The following DMD variants were observed in gnomAD, a reference collection of about 807,000 sequenced individuals.
DMD encodes dystrophin.
DMD carries 63 observed loss-of-function variants against 330.1 expected under a neutral mutation model. The ratio of observed to expected loss-of-function variants is 0.19; its 90% CI spans 0.16 to 0.24. The LOEUF (loss-of-function observed/expected upper bound fraction) is 0.24, where lower values mean the gene tolerates loss of function less well. Ranked by LOEUF, DMD falls within the 10% of genes least tolerant of loss-of-function variation. The pLI is 1.00. For synonymous variants in DMD, 1,223 were observed against 959.8 expected, an observed-to-expected ratio of 1.27 and a Z score of -5.07; for missense variants, 3,344 against 2,684.1, an observed-to-expected ratio of 1.25 and a Z score of -5.43.
rs191329892 is a variant in DMD at position 32,416,423 on chromosome X, T to C, written c.4072-4510A>G. ...TGTATTCATCATTGTGATGTAGACA[T>C]GTAAAACATTTCAATTTCCAGCAGT... On this transcript the variant is annotated intron_variant, in intron 29 of 78. Coordinates refer to ENST00000357033, the MANE Select transcript of DMD (RefSeq NM_004006.3). Among the ~76,000 whole-genome samples, 3 of 112,137 alleles carry C rather than the reference T, an allele frequency of 2.7e-5. No individual in the cohort carries two copies. In the East Asian group the frequency reaches 8.4e-4, roughly 32 times the overall value.
At chrX:32,889,722 GCTC>G (rs2085008040) in intron 2 of DMD, among the ~76,000 whole-genome samples, 1 of 110,364 alleles carries the variant, frequency 9.1e-6, no homozygotes. Flanking sequence ...GCAAAACATC[GCTC>G]CTAACTCCAC....
intron 41 of DMD, among the ~76,000 whole-genome samples, chrX:32,318,941 C>A (rs1461710845): frequency 9.0e-6 from 1 of 110,786 alleles, no homozygotes; most frequent in African/African-American, 3.3e-5. Context: ...CAGACCTGCT[C>A]ATTGACCTGC....
intron 74 of DMD, among the ~76,000 whole-genome samples, chrX:31,150,548 A>T (rs1258184893): frequency 8.9e-6 from 1 of 112,353 alleles, no homozygotes; most frequent in Admixed American, 9.4e-5. Context: ...TCTGTTGTTC[A>T]CAGATGATAT....
chrX:31,284,577 T>TTCTTCTTCCTCCTC (rs1491417490), intron 62 of DMD, among the ~76,000 whole-genome samples: 5 of 93,296 alleles, frequency 5.4e-5, no homozygotes, highest in African/African-American at 2.1e-4. Context: ...TTCTTCTTCT[T>TTCTTCTTCCTCCTC]CTTCTTCTTC....
chrX:32,667,611 T>C (rs964450697), intron 9 of DMD, among the ~76,000 whole-genome samples: 5 of 111,590 alleles, frequency 4.5e-5, no homozygotes, highest in African/African-American at 1.3e-4. Context: ...TATTGTAGTT[T>C]ACTGTTACTG....
intron 52 of DMD, among the ~76,000 whole-genome samples, chrX:31,722,771 C>T (rs1290215143): frequency 1.8e-5 from 2 of 110,634 alleles, no homozygotes; most frequent in Non-Finnish European, 3.8e-5. Flanking sequence ...TTAGGCTGGG[C>T]GCGGTGGCTC....
intron 59 of DMD, among the ~76,000 whole-genome samples, chrX:31,473,711 C>CAAAAAAAAAAAAAAAAAAA (rs55752684): frequency 4.7e-4 from 19 of 40,131 alleles, no homozygotes; most frequent in East Asian, 1.8e-3. Flanking sequence ...GACTCTGTCT[C>CAAAAAAAAAAAAAAAAAAA]AAAAAAAAAA....
intron 48 of DMD, among the ~76,000 whole-genome samples, chrX:31,865,967 T>A (rs946581486): frequency 1.8e-5 from 2 of 111,299 alleles, no homozygotes; most frequent in Non-Finnish European, 3.8e-5. Context: ...AGACTACTGC[T>A]GATTAGATGC....
In DMD at chrX:33,311,360, C is replaced by T. The variant is rs1457669681; in HGVS notation, c.7+27899G>A. Among the ~76,000 whole-genome samples the T allele has an allele frequency of 1.4e-3, 159 of 109,934 alleles. 1 individual carries two copies. In the Admixed American group the frequency reaches 0.016, roughly 11 times the overall value. ...ACACTTATCTATAATATATATACACCTGTCTGTTCTTACCACAGATATATT... is the reference window on the plus strand; with the variant it reads ...ACACTTATCTATAATATATATACACTTGTCTGTTCTTACCACAGATATATT... On this transcript the variant is annotated intron_variant, in intron 1 of 17. Transcript: ENST00000288447.
rs765354288 is a variant in DMD at position 31,957,658 on chromosome X, A to G, written c.6614+10681T>C. 6.2e-5 allele frequency among the ~76,000 whole-genome samples: 7 copies of G among 112,356 alleles called. No homozygotes were observed. The East Asian group carries it at 1.9e-3, about 31-fold the overall frequency. On this transcript the variant is annotated intron_variant, in intron 45 of 78. Transcript: ENST00000357033. ...ATTTATCATAGTAGAGAGAGATAAA[A>G]TAAAATATTTTAATTCAAATTAACC...
At chrX:31,600,229 C>G (rs771343238) in intron 55 of DMD, among the ~76,000 whole-genome samples, 59 of 112,047 alleles carry the variant, frequency 5.3e-4, no homozygotes, top group Admixed American at 1.1e-3. Flanking sequence ...CATCGCACCC[C>G]AAGTGTATTT....
At chrX:32,686,559 C>CAAAAAAAAAAAAAAAAAAAAAAAAAGA (rs750534167) in intron 9 of DMD, among the ~76,000 whole-genome samples, 1 of 28,585 alleles carries the variant, frequency 3.5e-5, no homozygotes, top group African/African-American at 1.3e-4. Flanking sequence ...AACTCCATCT[C>CAAAAAAAAAAAAAAAAAAAAAAAAAGA]AAAAAAAAAA....
intron 27 of DMD, among the ~76,000 whole-genome samples, chrX:32,443,496 T>C (rs1047789136): frequency 1.8e-5 from 2 of 111,181 alleles, no homozygotes; most frequent in Admixed American, 9.6e-5. Flanking sequence ...AAAATATAAA[T>C]ATCTTCTTAA....
Position 31,123,410 on chromosome X carries a change from A to G in DMD, c.11047-1480T>C, listed in dbSNP as rs140053580. Among the ~76,000 whole-genome samples the G allele has an allele frequency of 9.9e-3, 1,115 of 112,452 alleles. 9 individuals carry two copies. The highest frequency in any genetic ancestry group is 0.034 in the African/African-American group (1,061 of 31,006). On this transcript the variant is annotated intron_variant, in intron 78 of 78. Transcript: ENST00000357033. ...TAACAAAGCATATGCAACTATTCAT[A>G]AAGTGGGCCAATAGTTTGGCAGCCC... is the stretch of plus-strand genomic sequence containing the variant.
intron 9 of DMD, among the ~76,000 whole-genome samples, chrX:32,688,022 A>G (rs1206502439): frequency 8.9e-6 from 1 of 112,013 alleles, no homozygotes; most frequent in East Asian, 2.8e-4. Flanking sequence ...ATATTCCTTA[A>G]GAGGCCCTTC....
chrX:32,921,844 C>A (rs1029115446), intron 2 of DMD, among the ~76,000 whole-genome samples: 1 of 111,433 alleles, frequency 9.0e-6, no homozygotes, highest in African/African-American at 3.3e-5. Flanking sequence ...TCCATGCACC[C>A]ATCCATCCAT....
chrX:32,684,008 CACACATACAT>C lies in DMD; in HGVS notation c.960+13852_960+13861del, dbSNP rs1420439577. Among the ~76,000 whole-genome samples, 35 of 80,805 alleles carry C rather than the reference CACACATACAT, an allele frequency of 4.3e-4. 1 individual carries two copies. The African/African-American group carries it at 4.4e-3, about 10-fold the overall frequency. 70.2% of individuals were successfully genotyped at this position (80,805 alleles called of 115,157 possible). ...ATAGCACATACAAAACACACACACA[CACACATACAT>C]ACACACACACACACACACACACACA... On this transcript the variant is annotated intron_variant, in intron 9 of 78. Transcript: ENST00000357033.
chrX:31,324,812 CT>C (rs1244800598), intron 61 of DMD, among the ~76,000 whole-genome samples: 1 of 111,513 alleles, frequency 9.0e-6, no homozygotes, highest in African/African-American at 3.3e-5. Context: ...AACGTCAAAG[CT>C]AATATATCCT....
At chrX:31,478,432 A>T in intron 58 of DMD, 58 bp from the exon 59 acceptor site, 1 of 1,190,543 alleles carries the variant, frequency 8.4e-7, no homozygotes, top group Non-Finnish European at 1.1e-6. Flanking sequence ...AACATTGTCA[A>T]AAAGGTCATA....
Sources: allele counts gnomAD v4.1 joint callset (sites outside exome capture counted in the v4.1 genomes callset), GRCh38; gene constraint gnomAD v4.1.1; transcripts MANE v1.5; gene names NCBI Gene and HGNC (gene_info 2026-07-23, HGNC 2026-07-21).